Variants in KLHL32 observed in about 807,000 individuals in gnomAD.
KLHL32 encodes the protein kelch like family member 32, also known as kelch-like protein 32.
In KLHL32, 35 loss-of-function variants were observed where a neutral mutation model predicts 64.8. The observed-to-expected ratio is 0.54, with a 90% confidence interval of 0.41 to 0.72. KLHL32 has a LOEUF of 0.72. KLHL32 is among the 30% of genes least tolerant of loss of function. The pLI is 0.00. For missense variants in KLHL32, 589 were observed against 768.5 expected (o/e 0.77, Z 2.76); for synonymous variants, 259 against 281.0 (o/e 0.92, Z 0.78).
At chr6:96,931,263 T>C (rs1326311345) in intron 1 of KLHL32, among the ~76,000 whole-genome samples, 2 of 152,198 alleles carry the variant, frequency 1.3e-5, no homozygotes, top group Non-Finnish European at 2.9e-5. Context: ...CACCAGCAAC[T>C]CCTTCTTCTG....
chr6:97,010,995 A>G lies in KLHL32; in HGVS notation c.205-30497A>G, dbSNP rs112172323. Reference sequence around the variant, plus strand: ...CTGATCTTTAACACGTACACCTGCTATACCTAACAGCCTGCTCAGAAGAAG... The same window carrying G: ...CTGATCTTTAACACGTACACCTGCTGTACCTAACAGCCTGCTCAGAAGAAG... On this transcript the variant is annotated intron_variant, in intron 3 of 10. Coordinates refer to ENST00000369261, the MANE Select transcript of KLHL32 (RefSeq NM_052904.4). 7.6e-3 allele frequency among the ~76,000 whole-genome samples: 1,156 copies of G among 152,314 alleles called. 14 individuals carry two copies. Among genetic ancestry groups the G allele is most frequent in the African/African-American group, 0.025 (1,042 of 41,572 alleles).
intron 9 of KLHL32, 77 bp downstream of exon 9, chr6:97,131,026 G>T: frequency 8.1e-7 from 1 of 1,229,270 alleles, no homozygotes; most frequent in Non-Finnish European, 1.2e-6. Context: ...ACATCTTTAG[G>T]GCATCACTAA....
At position 97,086,915 on chromosome 6, in the gene KLHL32, A is replaced by G. The variant is rs59201674; in HGVS notation, c.627+1574A>G. Reference sequence around the variant, plus strand: ...TTTAATTTTTTCTAACTGAATTGACATCTGAGGCTAACCATCCTTGTGGCT... The same window carrying G: ...TTTAATTTTTTCTAACTGAATTGACGTCTGAGGCTAACCATCCTTGTGGCT... On this transcript the variant is annotated intron_variant, in intron 6 of 10. Transcript: ENST00000369261. Among the ~76,000 whole-genome samples the G allele has an allele frequency of 8.5e-3, 1,294 of 152,338 alleles. 20 individuals are homozygous for G. Among genetic ancestry groups the G allele is most frequent in the African/African-American group, 0.03 (1,245 of 41,584 alleles).
intron 3 of KLHL32, among the ~76,000 whole-genome samples, chr6:97,019,265 C>T (rs148236864): frequency 1.1e-3 from 163 of 152,262 alleles, no homozygotes; most frequent in Non-Finnish European, 2.0e-3. Flanking sequence ...AATTTGCGTT[C>T]CTTGGGAAGT....
intron 3 of KLHL32, among the ~76,000 whole-genome samples, chr6:97,025,980 A>G (rs964175220): frequency 1.3e-5 from 2 of 151,284 alleles, no homozygotes; most frequent in African/African-American, 4.9e-5. Flanking sequence ...AGAAGAAAAA[A>G]CTATTTATCT....
chr6:97,038,029 A>G (rs1214760850), intron 3 of KLHL32, among the ~76,000 whole-genome samples: 1 of 152,226 alleles, frequency 6.6e-6, no homozygotes, highest in Non-Finnish European at 1.5e-5. Flanking sequence ...ATCCAAATGT[A>G]TTAAAGACTT....
rs1218142329 is a variant in KLHL32, at chr6:97,139,154, G to A, written c.1735G>A (p.Val579Ile). The A allele has an allele frequency of 8.1e-6, 13 of 1,613,842 alleles. No homozygotes were observed. The highest frequency in any genetic ancestry group is 1.0e-5 in the Non-Finnish European group (12 of 1,179,938). ...TGTAAGCAGAGAAGGCAAAGAAGAAGTATTCTATGGGCCTACACTCCCTTT... is the reference window on the plus strand; with the variant it reads ...TGTAAGCAGAGAAGGCAAAGAAGAAATATTCTATGGGCCTACACTCCCTTT... ...LDVSREGKEE[V>I]FYGPTLPFAS... Residue 579 changes from valine to isoleucine, a missense_variant, in exon 11 of 11, where the codon GTA becomes ATA. Around this residue, in one of 3 missense-constraint regions of KLHL32, gnomAD observed 172 missense variants for 192.0 expected, o/e 0.90. Transcript: ENST00000369261.
chr6:97,025,039 A>T (rs764112744), intron 3 of KLHL32: 1 of 984,976 alleles, frequency 1.0e-6, no homozygotes, highest in Non-Finnish European at 1.2e-6. Context: ...CCACATGTTT[A>T]AAGGATAATA....
At chr6:96,918,614 A>T in the KLHL32 span, among the ~76,000 whole-genome samples, 1 of 152,216 alleles carries the variant, frequency 6.6e-6, no homozygotes, top group Non-Finnish European at 1.5e-5. Flanking sequence ...AGAAACTAAA[A>T]ATTTGATGTA....
At chr6:97,056,261 A>G (rs577273015) in intron 4 of KLHL32, among the ~76,000 whole-genome samples, 14 of 151,120 alleles carry the variant, frequency 9.3e-5, no homozygotes, top group East Asian at 5.8e-4. Context: ...GCCCGCCACC[A>G]CGCCCGGCTA....
intron 1 of KLHL32, among the ~76,000 whole-genome samples, chr6:96,954,333 T>TTTTTTTG (rs1773000888): frequency 7.6e-6 from 1 of 131,080 alleles, no homozygotes; most frequent in Non-Finnish European, 1.6e-5. Flanking sequence ...TTTTTTTTTT[T>TTTTTTTG]GCTTAGATAA....
intron 1 of KLHL32, among the ~76,000 whole-genome samples, chr6:96,933,416 C>T (rs1013458863): frequency 6.6e-6 from 1 of 152,134 alleles, no homozygotes; most frequent in Non-Finnish European, 1.5e-5. Flanking sequence ...TGTAAGACTC[C>T]TTTGTTGGAT....
chr6:97,125,281 A>C (rs987912660), intron 7 of KLHL32, among the ~76,000 whole-genome samples: 1 of 152,184 alleles, frequency 6.6e-6, no homozygotes, highest in Non-Finnish European at 1.5e-5. Flanking sequence ...TGTATCCATT[A>C]GTTTTGATTG....
Position 96,930,667 on chromosome 6 carries a change from T to C in KLHL32, c.-66+5641T>C, listed in dbSNP as rs376478210. Among the ~76,000 whole-genome samples the C allele has an allele frequency of 4.6e-5, 7 of 152,192 alleles. 2 individuals are homozygous for C. The highest frequency in any genetic ancestry group is 3.9e-4 in the East Asian group (2 of 5,170). ...TGGTGTGCCGACCTTGGAGCAGAGCTACCCTCATTATGCTATGGAGCTTTT... is the reference window on the plus strand; with the variant it reads ...TGGTGTGCCGACCTTGGAGCAGAGCCACCCTCATTATGCTATGGAGCTTTT... On this transcript the variant is annotated intron_variant, in intron 1 of 10. Transcript: ENST00000369261.
At chr6:97,050,535 A>T (rs1786714884) in intron 4 of KLHL32, among the ~76,000 whole-genome samples, 1 of 152,056 alleles carries the variant, frequency 6.6e-6, no homozygotes, top group African/African-American at 2.4e-5. Flanking sequence ...CTTTGCTCAG[A>T]TGTAAGGCAA....
chr6:97,132,464 G>T (rs1371641239), intron 9 of KLHL32, among the ~76,000 whole-genome samples, 189 bp from the exon 10 acceptor site: 1 of 152,188 alleles, frequency 6.6e-6, no homozygotes, highest in African/African-American at 2.4e-5. Context: ...TGACCTGACA[G>T]ATTCATTCTC....
intron 3 of KLHL32, 152 bp downstream of exon 3, chr6:96,976,329 G>A (rs1582547199): frequency 9.7e-6 from 6 of 620,816 alleles, no homozygotes; most frequent in Non-Finnish European, 1.5e-5. Context: ...ATGCTTCCTG[G>A]GGCCCCATTG....
intron 7 of KLHL32, among the ~76,000 whole-genome samples, chr6:97,126,344 G>GTT (rs147910554): frequency 7.0e-6 from 1 of 141,908 alleles, no homozygotes; most frequent in Non-Finnish European, 1.6e-5. Context: ...GCTGTTTTAT[G>GTT]TTTTTTTTTT....
At chr6:97,123,663 A>G (rs527935717) in intron 7 of KLHL32, among the ~76,000 whole-genome samples, 1 of 152,336 alleles carries the variant, frequency 6.6e-6, no homozygotes, top group South Asian at 2.1e-4. Context: ...AGATGTATCT[A>G]TAGAAAGCTG....
Sources: gnomAD v4.1 joint callset for allele counts (sites outside exome capture counted in the v4.1 genomes callset) on GRCh38, gnomAD v4.1.1 for gene constraint, gnomAD v4.1.1 regional missense constraint, MANE v1.5 for transcripts, NCBI Gene and HGNC (gene_info 2026-07-23, HGNC 2026-07-21) for gene names.